Variants in CNTNAP2 observed in about 807,000 individuals in gnomAD.
CNTNAP2 encodes contactin-associated protein-like 2.
A neutral mutation model predicts 155.2 loss-of-function variants in CNTNAP2; 98 were observed. That is an observed-to-expected ratio of 0.63 (90% CI 0.54 to 0.75). The LOEUF (loss-of-function observed/expected upper bound fraction) is 0.75, where lower values mean the gene tolerates loss of function less well. Among genes scored for constraint, CNTNAP2 ranks in the 30% least tolerant of loss-of-function variants. The pLI, the probability that CNTNAP2 is intolerant of heterozygous loss-of-function variation, is 0.00. For synonymous variants in CNTNAP2, 651 were observed against 631.2 expected (o/e 1.03, Z -0.47); for missense variants, 1,727 against 1,688.1 (o/e 1.02, Z -0.40).
chr7:146,474,671 C>T (rs7780889), intron 1 of CNTNAP2, among the ~76,000 whole-genome samples: 4,693 of 151,914 alleles, frequency 0.031, 220 homozygotes, highest in African/African-American at 0.1. Flanking sequence ...ATGAAAATAA[C>T]ACATCTTTAA....
Position 148,383,824 on chromosome 7 carries a change from G to A in CNTNAP2, c.3651G>A (p.Ser1217=), listed in dbSNP as rs377455159. Residue 1217 remains serine (S), a synonymous_variant, in exon 22 of 24, where the codon TCG becomes TCA. Coordinates refer to ENST00000361727, the MANE Select transcript of CNTNAP2 (RefSeq NM_014141.6). Reference sequence around the variant, plus strand: ...TGGTGGAGTCCAACTGCGGGGCCTCGCCGCTGACCCTCTCCCCCATGTCGT... The same window carrying A: ...TGGTGGAGTCCAACTGCGGGGCCTCACCGCTGACCCTCTCCCCCATGTCGT... The part of the protein sequence containing the change: ...GELVESNCGA[S]PLTLSPMSSA... The A allele has an allele frequency of 6.8e-6, 11 of 1,613,944 alleles. No individual in the cohort carries two copies. The highest frequency in any genetic ancestry group is 3.3e-4 in the Middle Eastern group (2 of 6,084).
chr7:147,576,847 T>C (rs986984655), intron 12 of CNTNAP2, among the ~76,000 whole-genome samples: 9 of 152,092 alleles, frequency 5.9e-5, no homozygotes, highest in Non-Finnish European at 1.0e-4. Flanking sequence ...TTTAATGAAA[T>C]GCTAGCCAAC....
chr7:146,748,198 T>C (rs1174276941), intron 1 of CNTNAP2, among the ~76,000 whole-genome samples: 2 of 141,846 alleles, frequency 1.4e-5, no homozygotes, highest in South Asian at 4.5e-4. Context: ...CAGGCTGGAG[T>C]ACAGTGGTCG....
At chr7:148,328,976 G>GAAAAAAAAAAAAAAA (rs71188969) in intron 21 of CNTNAP2, among the ~76,000 whole-genome samples, 2 of 69,260 alleles carry the variant, frequency 2.9e-5, no homozygotes, top group African/African-American at 1.1e-4. Flanking sequence ...ACTCTGTCTG[G>GAAAAAAAAAAAAAAA]AAAAAAAAAA....
At chr7:147,523,842 A>G (rs1799270875) in intron 11 of CNTNAP2, among the ~76,000 whole-genome samples, 1 of 152,134 alleles carries the variant, frequency 6.6e-6, no homozygotes, top group Non-Finnish European at 1.5e-5. Flanking sequence ...AATTGAACAT[A>G]ACAGAATTTC....
At chr7:146,796,966 C>G (rs946825093) in intron 2 of CNTNAP2, among the ~76,000 whole-genome samples, 1 of 152,006 alleles carries the variant, frequency 6.6e-6, no homozygotes, top group East Asian at 1.9e-4. Flanking sequence ...GAAACCCTGT[C>G]TCTACTAAAA....
intron 3 of CNTNAP2, among the ~76,000 whole-genome samples, chr7:146,970,350 A>G: frequency 6.6e-6 from 1 of 151,936 alleles, no homozygotes. Context: ...CAATGAACTC[A>G]AACAAATTTA....
chr7:148,300,579 A>G (rs1361899675), intron 21 of CNTNAP2, among the ~76,000 whole-genome samples: 1 of 146,528 alleles, frequency 6.8e-6, no homozygotes, highest in East Asian at 2.1e-4. Flanking sequence ...TAAGCAGGAA[A>G]AAAAAAAAAA....
chr7:147,426,442 T>C (rs535578934), intron 10 of CNTNAP2, among the ~76,000 whole-genome samples: 5 of 152,262 alleles, frequency 3.3e-5, no homozygotes, highest in African/African-American at 1.2e-4. Context: ...TCTCAGGAGC[T>C]GTACTTGAAG....
intron 8 of CNTNAP2, among the ~76,000 whole-genome samples, chr7:147,283,326 T>TA (rs1163612301): frequency 1.6e-4 from 24 of 151,724 alleles, no homozygotes; most frequent in South Asian, 6.2e-4. Flanking sequence ...GGCTTTTTTT[T>TA]AAAAAAAACT....
At chr7:146,150,803 A>G (rs1189826493) in intron 1 of CNTNAP2, among the ~76,000 whole-genome samples, 1 of 152,112 alleles carries the variant, frequency 6.6e-6, no homozygotes, top group Non-Finnish European at 1.5e-5. Flanking sequence ...TTATTACCAT[A>G]TATATATCAC....
At chr7:147,921,254 C>T (rs1800275344) in intron 14 of CNTNAP2, among the ~76,000 whole-genome samples, 1 of 152,172 alleles carries the variant, frequency 6.6e-6, no homozygotes, top group Admixed American at 6.5e-5. Context: ...ATGGCAGACG[C>T]CATTTGCCTG....
intron 1 of CNTNAP2, among the ~76,000 whole-genome samples, chr7:146,417,309 T>A (rs1235410421): frequency 6.6e-6 from 1 of 152,200 alleles, no homozygotes; most frequent in Non-Finnish European, 1.5e-5. Context: ...TAACTAGTTA[T>A]CTTTTTCACA....
At chr7:148,280,299 A>G (rs1474060254) in intron 21 of CNTNAP2, among the ~76,000 whole-genome samples, 1 of 151,986 alleles carries the variant, frequency 6.6e-6, no homozygotes, top group Non-Finnish European at 1.5e-5. Flanking sequence ...ACAGAGCTAG[A>G]CTCCATCTCA....
chr7:147,274,568 C>G (rs910380374), intron 8 of CNTNAP2, among the ~76,000 whole-genome samples: 1 of 151,792 alleles, frequency 6.6e-6, no homozygotes, highest in African/African-American at 2.4e-5. Context: ...AGATTCTGGA[C>G]GTTAGTCCTT....
At chr7:147,627,410 A>C (rs905089920) in intron 12 of CNTNAP2, among the ~76,000 whole-genome samples, 15 of 152,130 alleles carry the variant, frequency 9.9e-5, no homozygotes, top group African/African-American at 2.9e-4. Flanking sequence ...AAAGATATTA[A>C]AACAAGGTGG....
At chr7:147,716,645 C>T (rs79763756) in intron 13 of CNTNAP2, among the ~76,000 whole-genome samples, 4,281 of 152,226 alleles carry the variant, frequency 0.028, 88 homozygotes, top group Middle Eastern at 0.11. Flanking sequence ...GACGCAGCTA[C>T]CGGCATCCCC....
At chr7:146,535,213 G>GATATTATATCATATATCATATATATT (rs1797839621) in intron 1 of CNTNAP2, among the ~76,000 whole-genome samples, 2 of 17,018 alleles carry the variant, frequency 1.2e-4, no homozygotes, top group Non-Finnish European at 1.8e-4. Context: ...TCATATATAT[G>GATATTATATCATATATCATATATATT]ATATTATATC....
intron 21 of CNTNAP2, among the ~76,000 whole-genome samples, chr7:148,309,901 G>A (rs1394318093): frequency 6.6e-6 from 1 of 152,066 alleles, no homozygotes; most frequent in Admixed American, 6.6e-5. Flanking sequence ...AAATTTTGGG[G>A]GGTGGTATGG....
Sources: gnomAD v4.1 joint callset for allele counts (sites outside exome capture counted in the v4.1 genomes callset) on GRCh38, gnomAD v4.1.1 for gene constraint, MANE v1.5 for transcripts, NCBI Gene and HGNC (gene_info 2026-07-23, HGNC 2026-07-21) for gene names.